The following SLC26A3 variants were observed in gnomAD, a reference collection of about 807,000 sequenced individuals.
SLC26A3 encodes the protein solute carrier family 26 member 3.
A neutral mutation model predicts 85.6 loss-of-function variants in SLC26A3; 64 were observed. That is an observed-to-expected ratio of 0.75 (90% CI 0.61 to 0.92). The LOEUF (loss-of-function observed/expected upper bound fraction) is 0.92. Ranked by LOEUF, SLC26A3 falls within the 40% of genes least tolerant of loss-of-function variation. The probability of loss-of-function intolerance (pLI) is 0.00; values close to 1 mark genes in which losing one functional copy is unlikely to be tolerated. For missense variants in SLC26A3, 922 were observed against 927.3 expected (o/e 0.99, Z 0.07); for synonymous variants, 349 against 336.0 (o/e 1.04, Z -0.42).
At chr7:107,803,067 C>T (rs933153452) in intron 1 of SLC26A3, 44 bp downstream of exon 1, 5 of 152,250 alleles carry the variant, frequency 3.3e-5, no homozygotes. Flanking sequence ...TTTCAAGGAA[C>T]AGAAAACCAG....
At chr7:107,796,621 CT>C (rs1264311675) in intron 1 of SLC26A3, among the ~76,000 whole-genome samples, 1 of 152,068 alleles carries the variant, frequency 6.6e-6, no homozygotes, top group African/African-American at 2.4e-5. Context: ...GGATTTTTGT[CT>C]TTTTTTGGCT....
intron 8 of SLC26A3, among the ~76,000 whole-genome samples, chr7:107,783,554 A>G (rs1382645366): frequency 2.6e-5 from 4 of 152,256 alleles, no homozygotes. Flanking sequence ...ATTTGGTAAA[A>G]GACTGCAAAT....
chr7:107,802,982 A>C (rs558790063), intron 1 of SLC26A3, 129 bp downstream of exon 1: 2 of 152,412 alleles, frequency 1.3e-5, no homozygotes, highest in Admixed American at 1.3e-4. Flanking sequence ...GGATTCATTC[A>C]AAATATTCAC....
chr7:107,782,960 C>T lies in SLC26A3; in HGVS notation c.1233+20G>A. 1 of 1,612,846 alleles carries T rather than the reference C, an allele frequency of 6.2e-7. No homozygotes were observed. Among genetic ancestry groups the T allele is most frequent in the African/African-American group, 1.3e-5 (1 of 75,034 alleles). ...GTTACTAACGCTAGGACAGTGCTTG[C>T]AGCAAAGATCTTGACATACCTGTGT... On this transcript the variant is annotated intron_variant, in intron 10 of 20. Coordinates refer to ENST00000340010, the MANE Select transcript of SLC26A3 (RefSeq NM_000111.3).
At position 107,788,712 on chromosome 7, in the gene SLC26A3, T is replaced by C. The variant is rs141686565; in HGVS notation, c.735+812A>G. ...TATGGTAGATGTGGTTGATTTTCAG[T>C]ATTGTTCCCTTGCTACTTTTTCTTT... On this transcript the variant is annotated intron_variant, in intron 6 of 20. Coordinates refer to ENST00000340010, the MANE Select transcript of SLC26A3 (RefSeq NM_000111.3). 8.5e-4 allele frequency among the ~76,000 whole-genome samples: 129 copies of C among 152,084 alleles called. 2 individuals carry two copies. In the East Asian group the frequency reaches 0.022, roughly 26 times the overall value.
chr7:107,766,260 G>A (rs1450001190), intron 20 of SLC26A3, among the ~76,000 whole-genome samples: 1 of 151,976 alleles, frequency 6.6e-6, no homozygotes, highest in Non-Finnish European at 1.5e-5. Flanking sequence ...TTTTAATATG[G>A]GGAAGCCAAG....
In SLC26A3 at chr7:107,765,984, G is replaced by A. The variant is rs562181561; in HGVS notation, c.2272-106C>T. On this transcript the variant is annotated intron_variant, in intron 20 of 20. Coordinates refer to ENST00000340010, the MANE Select transcript of SLC26A3 (RefSeq NM_000111.3). ...ACCAGAGTTAACAGGTTTTTTTTTT[G>A]TCTTGAATTTTAATGATCAAGTACC... The A allele has an allele frequency of 7.8e-6, 7 of 896,868 alleles. No homozygotes were observed. The South Asian group carries it at 8.6e-5, about 11-fold the overall frequency. 55.6% of individuals were successfully genotyped at this position (896,868 alleles called of 1,614,324 possible). A position where few individuals can be genotyped will look rare whatever the true frequency, so the allele number is the denominator to read the frequency against.
chr7:107,770,120 TTCTCTTTCTTTCTTTC>T (rs1336293767), intron 18 of SLC26A3, among the ~76,000 whole-genome samples: 20 of 142,396 alleles, frequency 1.4e-4, no homozygotes, highest in Non-Finnish European at 2.6e-4. Flanking sequence ...TCTTTCTTCT[TTCTCTTTCTTTCTTTC>T]TCTCTTTCTT....
chr7:107,795,604 C>T (rs1011941965), intron 1 of SLC26A3, among the ~76,000 whole-genome samples: 2 of 152,158 alleles, frequency 1.3e-5, no homozygotes, highest in Non-Finnish European at 2.9e-5. Context: ...GGACATACAG[C>T]TTGTTAACAT....
In SLC26A3 at chr7:107,776,521, T is replaced by G. The variant is rs1043249370; in HGVS notation, c.1608A>C (p.Lys536Asn). The change falls in exon 15 of 21, where the codon AAA becomes AAC. Residue 536 changes from lysine to asparagine, a missense_variant. Physicochemically the swap from Lys to Asn is moderately conservative, Grantham distance 94. Transcript: ENST00000340010. ...YYDMYEPEGV[K>N]IFRCPSPIYF... is the part of the protein sequence containing the mutation. ...AGATAGGAGATGGACATCTGAAAAT[T>G]TTCACTCCTTCTGGCTCATACATCT... 6.2e-7 allele frequency: 1 copy of G among 1,613,970 alleles called. No individual in the cohort carries two copies. The highest frequency in any genetic ancestry group is 8.5e-7 in the Non-Finnish European group (1 of 1,179,978).
chr7:107,780,285 G>A (rs1045916494), intron 11 of SLC26A3, among the ~76,000 whole-genome samples: 1 of 152,110 alleles, frequency 6.6e-6, no homozygotes, highest in African/African-American at 2.4e-5. Flanking sequence ...AACCTACTAT[G>A]TTAAATGCAT....
Position 107,767,901 on chromosome 7 carries a change from G to T in SLC26A3, c.2070C>A (p.Phe690Leu). The change falls in exon 19 of 21, where the codon TTC (phenylalanine) becomes TTA (leucine). Residue 690 changes from phenylalanine to leucine, a missense_variant. Physicochemically the swap from Phe to Leu is conservative, Grantham distance 22 (BLOSUM62 0). Coordinates refer to ENST00000340010, the MANE Select transcript of SLC26A3 (RefSeq NM_000111.3). Reference protein sequence around the residue: ...DVYIVGTDDDFIEKLNRYEFF... With the variant: ...DVYIVGTDDDLIEKLNRYEFF... ...ATTCATACCGGTTAAGCTTCTCAAT[G>T]AAGTCATCTGAAGAGAAAAAAACAG... 1 of 1,613,330 alleles carries T rather than the reference G, an allele frequency of 6.2e-7. No homozygotes were observed. Among genetic ancestry groups the T allele is most frequent in the Non-Finnish European group, 8.5e-7 (1 of 1,179,580 alleles).
rs200385882 is a variant in SLC26A3, at chr7:107,793,735, A to T, written c.271+7T>A. The T allele has an allele frequency of 4.7e-4, 755 of 1,608,686 alleles. No homozygotes were observed. The highest frequency in any genetic ancestry group is 5.8e-4 in the Non-Finnish European group (683 of 1,176,844). Reference sequence around the variant, plus strand: ...TGTATATAAATTATACTTAAAAAAAATTTTACCTTGTAGTACGGCCACAAT... The same window carrying T: ...TGTATATAAATTATACTTAAAAAAATTTTTACCTTGTAGTACGGCCACAAT... On this transcript the variant is annotated splice_region_variant and intron_variant, in intron 3 of 20. Coordinates refer to ENST00000340010, the MANE Select transcript of SLC26A3 (RefSeq NM_000111.3).
chr7:107,772,901 T>G (rs909464648), intron 17 of SLC26A3, among the ~76,000 whole-genome samples: 1 of 152,118 alleles, frequency 6.6e-6, no homozygotes, highest in Non-Finnish European at 1.5e-5. Context: ...TAAAAAAAAT[T>G]CTTCCATTTT....
At chr7:107,779,003 C>T (rs1794175248) in intron 12 of SLC26A3, among the ~76,000 whole-genome samples, 1 of 151,898 alleles carries the variant, frequency 6.6e-6, no homozygotes, top group African/African-American at 2.4e-5. Flanking sequence ...AAAAAAAAAT[C>T]AGCAAATTAA....
chr7:107,779,746 TA>T lies in SLC26A3; in HGVS notation c.1328del (p.Leu443Ter). 1 of 1,613,980 alleles carries T rather than the reference TA, an allele frequency of 6.2e-7. No homozygotes were observed. The highest frequency in any genetic ancestry group is 8.5e-7 in the Non-Finnish European group (1 of 1,179,882). On this transcript the variant is annotated frameshift_variant, in exon 12 of 21. Coordinates refer to ENST00000340010, the MANE Select transcript of SLC26A3 (RefSeq NM_000111.3). LOFTEE classifies it high-confidence loss of function. ...APLQKSVLAA[L>X]ALGNLKGMLM... ...GCATTCCCTTTAAGTTTCCCAATGC[TA>T]AAGCTGCCAGGACGGACTGTGAAAA...
chr7:107,789,726 G>A, intron 5 of SLC26A3, 38 bp from the exon 6 acceptor site: 1 of 1,595,460 alleles, frequency 6.3e-7, no homozygotes, highest in African/African-American at 1.3e-5. Flanking sequence ...GCATAGATTA[G>A]GAGTATACCT....
intron 7 of SLC26A3, 101 bp downstream of exon 7, chr7:107,787,256 G>A: frequency 8.7e-7 from 1 of 1,152,862 alleles, no homozygotes; most frequent in Non-Finnish European, 1.3e-6. Flanking sequence ...CTGCAGAGAT[G>A]GCCTCTGCCC....
chr7:107,792,860 C>G (rs1794426888), intron 3 of SLC26A3, among the ~76,000 whole-genome samples: 1 of 152,110 alleles, frequency 6.6e-6, no homozygotes, highest in African/African-American at 2.4e-5. Flanking sequence ...GGTCTGGTAT[C>G]CAGAATATAG....
Sources: allele counts gnomAD v4.1 joint callset (sites outside exome capture counted in the v4.1 genomes callset), GRCh38; gene constraint gnomAD v4.1.1; transcripts MANE v1.5; gene names NCBI Gene and HGNC (gene_info 2026-07-23, HGNC 2026-07-21).